Variants in PCDH15 observed in about 807,000 individuals in gnomAD.
PCDH15 encodes protocadherin related 15.
Under a neutral mutation model 178.5 loss-of-function variants are expected in PCDH15, and 129 were observed. The observed-to-expected ratio is 0.72, with a 90% CI of 0.63 to 0.84. The LOEUF is 0.84. Among genes scored for constraint, PCDH15 ranks in the 40% least tolerant of loss-of-function variants. The pLI is 0.00. For synonymous variants in PCDH15, 800 were observed against 732.0 expected, an observed-to-expected ratio of 1.09 and a Z score of -1.50; for missense variants, 2,230 against 2,099.9, an observed-to-expected ratio of 1.06 and a Z score of -1.21.
At chr10:55,097,709 C>G (rs1355422721) in intron 2 of PCDH15, among the ~76,000 whole-genome samples, 2 of 151,784 alleles carry the variant, frequency 1.3e-5, no homozygotes, top group East Asian at 3.9e-4. Flanking sequence ...GATAGAGAGA[C>G]AGATAGATAG....
At chr10:53,854,175 G>T (rs576335932) in intron 28 of PCDH15, among the ~76,000 whole-genome samples, 1 of 151,938 alleles carries the variant, frequency 6.6e-6, no homozygotes, top group South Asian at 2.1e-4. Flanking sequence ...GAGAAATACT[G>T]CAAATTTCCA....
At chr10:54,982,278 G>C (rs1244995451) in intron 2 of PCDH15, among the ~76,000 whole-genome samples, 1 of 152,028 alleles carries the variant, frequency 6.6e-6, no homozygotes, top group African/African-American at 2.4e-5. Flanking sequence ...ACAATCCTAT[G>C]GTTAGGGTAC....
intron 1 of PCDH15, among the ~76,000 whole-genome samples, chr10:55,277,304 G>A (rs2132253581): frequency 6.6e-6 from 1 of 151,896 alleles, no homozygotes. Context: ...TTTATGATTA[G>A]TATATTAACT....
chr10:54,563,165 ATC>A (rs1418935821), intron 2 of PCDH15, among the ~76,000 whole-genome samples: 1 of 152,160 alleles, frequency 6.6e-6, no homozygotes, highest in Non-Finnish European at 1.5e-5. Context: ...TATCATTTTG[ATC>A]TTCCTCTTAT....
intron 2 of PCDH15, among the ~76,000 whole-genome samples, chr10:55,340,040 T>C (rs1440312824): frequency 6.6e-6 from 1 of 151,648 alleles, no homozygotes; most frequent in African/African-American, 2.4e-5. Context: ...GTAACTCTCA[T>C]TAATTGAATT....
intron 3 of PCDH15, among the ~76,000 whole-genome samples, chr10:54,885,600 C>T (rs943104545): frequency 2.0e-5 from 3 of 152,080 alleles, no homozygotes; most frequent in South Asian, 2.1e-4. Flanking sequence ...AAGTAGTAAA[C>T]GTAGTAATCA....
At chr10:53,921,591 T>A (rs2084001585) in intron 25 of PCDH15, among the ~76,000 whole-genome samples, 1 of 152,180 alleles carries the variant, frequency 6.6e-6, no homozygotes, top group South Asian at 2.1e-4. Flanking sequence ...TTCAGATGTG[T>A]GATCCTTGAA....
chr10:55,101,861 T>C (rs1241298360), intron 2 of PCDH15, among the ~76,000 whole-genome samples: 1 of 151,720 alleles, frequency 6.6e-6, no homozygotes, highest in East Asian at 1.9e-4. Flanking sequence ...TAGATCTATA[T>C]TTTTCTTACA....
At chr10:54,991,634 C>G (rs1454478867) in intron 2 of PCDH15, among the ~76,000 whole-genome samples, 1 of 152,198 alleles carries the variant, frequency 6.6e-6, no homozygotes, top group East Asian at 1.9e-4. Context: ...ATACCTCAGG[C>G]ACTTTTCATT....
intron 10 of PCDH15, among the ~76,000 whole-genome samples, chr10:54,204,212 G>A (rs1234180035): frequency 6.6e-6 from 1 of 152,044 alleles, no homozygotes; most frequent in African/African-American, 2.4e-5. Flanking sequence ...CATTGCCATT[G>A]AATTTTTTCA....
chr10:55,413,964 A>G (rs1838412608), intron 2 of PCDH15, among the ~76,000 whole-genome samples: 1 of 151,624 alleles, frequency 6.6e-6, no homozygotes, highest in South Asian at 2.1e-4. Context: ...CAAGACATGT[A>G]ATAGGAAATA....
At chr10:54,991,188 G>T (rs567600690) in intron 2 of PCDH15, among the ~76,000 whole-genome samples, 35 of 152,166 alleles carry the variant, frequency 2.3e-4, no homozygotes, top group African/African-American at 8.2e-4. Context: ...CAATAGTATT[G>T]ACCACTGTCT....
chr10:54,375,510 C>T lies in PCDH15; in HGVS notation c.318+3272G>A, dbSNP rs1379663371. Among the ~76,000 whole-genome samples the T allele has an allele frequency of 2.6e-5, 4 of 151,898 alleles. No individual in the cohort carries two copies. The East Asian group carries it at 7.7e-4, about 29-fold the overall frequency. On this transcript the variant is annotated intron_variant, in intron 4 of 37. Coordinates refer to ENST00000644397, the MANE Select transcript of PCDH15 (RefSeq NM_001384140.1). Reference sequence around the variant, plus strand: ...TGGTATTGTTAATATTCTCTCCCATCAGCTGGAAATCATTTGAAGGCATTG... The same window carrying T: ...TGGTATTGTTAATATTCTCTCCCATTAGCTGGAAATCATTTGAAGGCATTG...
chr10:55,040,104 G>T (rs1211716159), intron 2 of PCDH15, among the ~76,000 whole-genome samples: 1 of 151,916 alleles, frequency 6.6e-6, no homozygotes, highest in African/African-American at 2.4e-5. Flanking sequence ...AAGATCTCAT[G>T]GCAATAATAA....
At chr10:53,977,427 G>A (rs2090273726) in intron 21 of PCDH15, among the ~76,000 whole-genome samples, 1 of 152,234 alleles carries the variant, frequency 6.6e-6, no homozygotes, top group South Asian at 2.1e-4. Flanking sequence ...TATGGGCCAT[G>A]AGTTCGACAA....
rs140331674 is a variant in PCDH15, at chr10:55,331,678, C to T, written c.-155-165027G>A. ...AAGGTGGGTCTCCAGAAAGAAACTG[C>T]GGCTGTATATTTACCTCTATTCTGC... On this transcript the variant is annotated intron_variant, in intron 2 of 5. Transcript: ENST00000613346. Among the ~76,000 whole-genome samples the T allele has an allele frequency of 2.3e-3, 348 of 152,140 alleles. 4 individuals are homozygous for T. The highest frequency in any genetic ancestry group is 7.8e-3 in the African/African-American group (323 of 41,546).
intron 2 of PCDH15, among the ~76,000 whole-genome samples, chr10:54,972,462 C>T (rs1838958301): frequency 6.6e-6 from 1 of 151,984 alleles, no homozygotes; most frequent in Non-Finnish European, 1.5e-5. Context: ...ATCGCTTGAA[C>T]CTGGGAGGCG....
At chr10:54,444,594 TGACA>T (rs1430044979) in intron 3 of PCDH15, among the ~76,000 whole-genome samples, 23 of 151,730 alleles carry the variant, frequency 1.5e-4, no homozygotes, top group African/African-American at 5.3e-4. Context: ...TGAGAGTACC[TGACA>T]GACTGACCTA....
At chr10:54,857,259 A>C (rs995701105) in intron 3 of PCDH15, among the ~76,000 whole-genome samples, 1 of 152,226 alleles carries the variant, frequency 6.6e-6, no homozygotes, top group African/African-American at 2.4e-5. Context: ...TTGACATTAA[A>C]TGAACTCATA....
Sources: gnomAD v4.1 joint callset for allele counts (sites outside exome capture counted in the v4.1 genomes callset) on GRCh38, gnomAD v4.1.1 for gene constraint, MANE v1.5 for transcripts, NCBI Gene and HGNC (gene_info 2026-07-23, HGNC 2026-07-21) for gene names.